Variants in LRP1B observed in about 807,000 individuals in gnomAD.
The protein encoded by LRP1B is low-density lipoprotein receptor-related protein 1B.
LRP1B carries 217 observed loss-of-function variants against 556.6 expected under a neutral mutation model. The ratio of observed to expected loss-of-function variants is 0.39; its 90% CI spans 0.35 to 0.44. The LOEUF (loss-of-function observed/expected upper bound fraction) is 0.44, where lower values mean the gene tolerates loss of function less well. Ranked by LOEUF, LRP1B falls within the 20% of genes least tolerant of loss-of-function variation. The pLI is 1.00. For missense variants in LRP1B, 5,053 were observed against 5,620.8 expected (o/e 0.90, Z 3.23); for synonymous variants, 2,047 against 1,865.8 (o/e 1.10, Z -2.50).
chr2:141,956,268 C>T (rs960219), intron 1 of LRP1B, among the ~76,000 whole-genome samples: 56,361 of 151,880 alleles, frequency 0.37, 11,440 homozygotes, highest in Admixed American at 0.5. Flanking sequence ...ATGGTATGAT[C>T]AGATTTTTAA....
At chr2:140,258,552 A>C (rs991742500) in intron 86 of LRP1B, among the ~76,000 whole-genome samples, 18 of 152,252 alleles carry the variant, frequency 1.2e-4, no homozygotes, top group African/African-American at 4.3e-4. Context: ...GGACCCCTAG[A>C]AGTTCAAATT....
intron 3 of LRP1B, among the ~76,000 whole-genome samples, chr2:141,405,015 T>G (rs1690584190): frequency 6.6e-6 from 1 of 151,796 alleles, no homozygotes; most frequent in South Asian, 2.1e-4. Context: ...TGGGGTGAAC[T>G]CGGGGCGGCA....
At chr2:141,482,586 G>A (rs1041059185) in intron 2 of LRP1B, among the ~76,000 whole-genome samples, 2 of 151,636 alleles carry the variant, frequency 1.3e-5, no homozygotes, top group Admixed American at 6.6e-5. Context: ...GTAAGTGAAA[G>A]GGTTTTCACT....
chr2:140,268,792 A>C (rs965181839), intron 86 of LRP1B, among the ~76,000 whole-genome samples: 2 of 151,886 alleles, frequency 1.3e-5, no homozygotes, highest in Non-Finnish European at 2.9e-5. Flanking sequence ...AATTTTTCAG[A>C]CTGTAAAAAA....
chr2:141,749,212 C>T (rs1338436982), intron 2 of LRP1B, among the ~76,000 whole-genome samples: 2 of 152,040 alleles, frequency 1.3e-5, no homozygotes, highest in Non-Finnish European at 2.9e-5. Context: ...AATCTTGATT[C>T]CTATTCATGC....
chr2:140,491,491 AG>A (rs1305180940), intron 57 of LRP1B, among the ~76,000 whole-genome samples: 2 of 152,060 alleles, frequency 1.3e-5, no homozygotes, highest in Non-Finnish European at 2.9e-5. Flanking sequence ...AAGACTTAGA[AG>A]GGCTGTGAAG....
intron 33 of LRP1B, among the ~76,000 whole-genome samples, chr2:140,773,241 G>A (rs1689377465): frequency 6.6e-6 from 1 of 152,188 alleles, no homozygotes; most frequent in Admixed American, 6.5e-5. Flanking sequence ...GAGGAGGGCA[G>A]ATCACCTGGG....
intron 18 of LRP1B, among the ~76,000 whole-genome samples, chr2:140,981,833 A>G (rs760936640): frequency 6.6e-6 from 1 of 152,146 alleles, no homozygotes; most frequent in African/African-American, 2.4e-5. Context: ...CTCTTTGACA[A>G]GTTTAATCAC....
chr2:140,279,022 T>C (rs1450653010), intron 84 of LRP1B, among the ~76,000 whole-genome samples: 3 of 151,976 alleles, frequency 2.0e-5, no homozygotes, highest in Non-Finnish European at 2.9e-5. Context: ...CGGTTAGGAT[T>C]CTAGGGCCTA....
chr2:141,865,320 C>T (rs574981491), intron 1 of LRP1B, among the ~76,000 whole-genome samples: 24 of 152,082 alleles, frequency 1.6e-4, no homozygotes, highest in African/African-American at 5.8e-4. Flanking sequence ...TGGCCGGGCG[C>T]GGTGGCTCAC....
intron 35 of LRP1B, among the ~76,000 whole-genome samples, chr2:140,727,863 A>C (rs2105490156): frequency 6.6e-6 from 1 of 152,354 alleles, no homozygotes; most frequent in South Asian, 2.1e-4. Context: ...TCAATAATAA[A>C]GTGCTAACAA....
intron 35 of LRP1B, among the ~76,000 whole-genome samples, chr2:140,734,855 T>C (rs74826933): frequency 0.016 from 2,504 of 152,272 alleles, 30 homozygotes; most frequent in Non-Finnish European, 0.024. Context: ...AAAACTTTCT[T>C]GAAACTGCAC....
intron 1 of LRP1B, among the ~76,000 whole-genome samples, chr2:142,002,423 T>G (rs1702681850): frequency 6.6e-6 from 1 of 152,022 alleles, no homozygotes; most frequent in African/African-American, 2.4e-5. Context: ...GACACATCTC[T>G]AAACTAATGA....
chr2:140,728,816 T>C (rs79731378), intron 35 of LRP1B, among the ~76,000 whole-genome samples: 1,954 of 152,222 alleles, frequency 0.013, 38 homozygotes, highest in South Asian at 0.051. Flanking sequence ...CCCTGCTACA[T>C]AGTGGCTCTG....
intron 1 of LRP1B, among the ~76,000 whole-genome samples, chr2:142,083,664 T>G (rs1466799721): frequency 6.6e-6 from 1 of 152,230 alleles, no homozygotes; most frequent in Non-Finnish European, 1.5e-5. Flanking sequence ...GGAACTTGAA[T>G]GAACTATCCT....
At chr2:141,135,050 A>G (rs1229736180) in intron 7 of LRP1B, among the ~76,000 whole-genome samples, 2 of 151,764 alleles carry the variant, frequency 1.3e-5, no homozygotes, top group Non-Finnish European at 2.9e-5. Flanking sequence ...GTGAGTGAAG[A>G]TTGGATTTCA....
At chr2:140,924,516 G>A (rs1694830938) in intron 20 of LRP1B, among the ~76,000 whole-genome samples, 1 of 151,966 alleles carries the variant, frequency 6.6e-6, no homozygotes, top group Admixed American at 6.6e-5. Context: ...AATATTGCTT[G>A]TGCAGTAATG....
At chr2:141,122,313 C>G (rs1244894206) in intron 7 of LRP1B, among the ~76,000 whole-genome samples, 1 of 151,514 alleles carries the variant, frequency 6.6e-6, no homozygotes, top group Non-Finnish European at 1.5e-5. Flanking sequence ...AGTGAACAGG[C>G]AACCTACAGA....
Position 140,509,939 on chromosome 2 carries a change from G to C in LRP1B, c.8387C>G (p.Thr2796Arg), listed in dbSNP as rs369363007. 5.0e-6 allele frequency: 8 copies of C among 1,613,612 alleles called. No homozygotes were observed. Among genetic ancestry groups the C allele is most frequent in the Non-Finnish European group, 6.8e-6 (8 of 1,179,944 alleles). The change falls in exon 52 of 91, where the codon ACA (threonine) becomes AGA (arginine). Residue 2796 changes from threonine to arginine, a missense_variant. Thr to Arg is a moderately conservative substitution (Grantham distance 71). Around this residue, in one of 5 missense-constraint regions of LRP1B, gnomAD observed 3,619 missense variants for 3,931.9 expected, o/e 0.92. Coordinates refer to ENST00000389484, the MANE Select transcript of LRP1B (RefSeq NM_018557.3). Reference protein sequence around the residue: ...DCPDGSDELSTAGCAPNNTCD... With the variant: ...DCPDGSDELSRAGCAPNNTCD... ...GCCAGTGTTCATACCGCAGCCTGCTGTGGAAAGCTCATCGCTTCCATCTGG... is the reference window on the plus strand; with the variant it reads ...GCCAGTGTTCATACCGCAGCCTGCTCTGGAAAGCTCATCGCTTCCATCTGG...
Sources: gnomAD v4.1 joint callset for allele counts (sites outside exome capture counted in the v4.1 genomes callset) on GRCh38, gnomAD v4.1.1 for gene constraint, gnomAD v4.1.1 regional missense constraint, MANE v1.5 for transcripts, NCBI Gene and HGNC (gene_info 2026-07-23, HGNC 2026-07-21) for gene names.